Variants in MAGI1 observed in about 807,000 individuals in gnomAD.
The protein encoded by MAGI1 is membrane-associated guanylate kinase, WW and PDZ domain-containing protein 1.
Under a neutral mutation model 139.9 loss-of-function variants are expected in MAGI1, and 58 were observed. The ratio of observed to expected loss-of-function variants is 0.41; its 90% CI spans 0.34 to 0.52. MAGI1 has a LOEUF of 0.52. Ranked by LOEUF, MAGI1 falls within the 20% of genes least tolerant of loss-of-function variation. MAGI1 has a pLI of 0.12. For synonymous variants in MAGI1, 812 were observed against 737.9 expected (o/e 1.10, Z -1.63); for missense variants, 1,874 against 1,901.6 (o/e 0.99, Z 0.27).
chr3:65,444,768 T>C (rs769506364), intron 7 of MAGI1, among the ~76,000 whole-genome samples: 4 of 152,116 alleles, frequency 2.6e-5, no homozygotes, highest in Non-Finnish European at 5.9e-5. Flanking sequence ...CTTAATATTC[T>C]AGAGTTGAAA....
At chr3:65,981,940 A>C (rs186881301) in intron 1 of MAGI1, among the ~76,000 whole-genome samples, 30 of 152,318 alleles carry the variant, frequency 2.0e-4, no homozygotes, top group Admixed American at 1.1e-3. Context: ...ACAGTATTAA[A>C]TGCTCAAGAG....
At chr3:65,988,359 G>A (rs1424219070) in intron 1 of MAGI1, among the ~76,000 whole-genome samples, 1 of 152,188 alleles carries the variant, frequency 6.6e-6, no homozygotes, top group Non-Finnish European at 1.5e-5. Context: ...CCCAGTGAAG[G>A]GGGTTATGCA....
intron 1 of MAGI1, among the ~76,000 whole-genome samples, chr3:65,700,510 C>T (rs1177107325): frequency 2.0e-5 from 3 of 151,980 alleles, no homozygotes. Flanking sequence ...TACCATTTGA[C>T]CAAATTATAA....
chr3:65,602,588 G>A (rs535835684), intron 2 of MAGI1, among the ~76,000 whole-genome samples: 13 of 151,980 alleles, frequency 8.6e-5, no homozygotes, highest in African/African-American at 3.1e-4. Flanking sequence ...TTTCTTTCTC[G>A]GGGTGATAAA....
chr3:65,655,782 C>A (rs772054981), intron 1 of MAGI1, among the ~76,000 whole-genome samples: 4 of 152,210 alleles, frequency 2.6e-5, no homozygotes, highest in Non-Finnish European at 5.9e-5. Flanking sequence ...AACTTGAATG[C>A]AACTGAATTC....
rs77864505 is a variant in MAGI1 at position 65,845,308 on chromosome 3, G to C, written c.313+192688C>G. ...AAGAAAAGAAAAGAAAGCAATCCTT[G>C]GGCACATAGAGTGTCGTGGTTAACA... On this transcript the variant is annotated intron_variant, in intron 1 of 22. Transcript: ENST00000402939. 5.2e-3 allele frequency among the ~76,000 whole-genome samples: 791 copies of C among 152,060 alleles called. 5 individuals are homozygous for C. The highest frequency in any genetic ancestry group is 0.018 in the African/African-American group (747 of 41,468).
chr3:65,664,470 C>T lies in MAGI1; in HGVS notation c.314-42382G>A, dbSNP rs190955482. ...TTCTGATATTGCCACATTTTACAGA[C>T]GAAAAAACTCTGGCCAAGATAAATT... On this transcript the variant is annotated intron_variant, in intron 1 of 22. Coordinates refer to ENST00000402939, the MANE Select transcript of MAGI1 (RefSeq NM_001033057.2). Among the ~76,000 whole-genome samples the T allele has an allele frequency of 1.6e-3, 251 of 152,172 alleles. 3 individuals are homozygous for T. Among genetic ancestry groups the T allele is most frequent in the Admixed American group, 3.9e-3 (60 of 15,280 alleles).
intron 1 of MAGI1, among the ~76,000 whole-genome samples, chr3:65,666,679 G>T (rs987297962): frequency 1.3e-5 from 2 of 152,184 alleles, no homozygotes; most frequent in African/African-American, 4.8e-5. Flanking sequence ...ACAATGCTGA[G>T]AAGTGTTATT....
intron 1 of MAGI1, among the ~76,000 whole-genome samples, chr3:65,638,597 ATTTTTTTTTTTTT>A (rs1173086138): frequency 5.1e-4 from 21 of 41,014 alleles, no homozygotes; most frequent in East Asian, 1.8e-3. Context: ...TGCTCTCCTG[ATTTTTTTTTTTTT>A]TTTTTTTTTT....
intron 17 of MAGI1, among the ~76,000 whole-genome samples, chr3:65,378,212 G>A (rs984918554): frequency 3.3e-5 from 5 of 152,222 alleles, no homozygotes; most frequent in South Asian, 2.1e-4. Context: ...GCAATCATCT[G>A]GGTTTCTATT....
At chr3:65,730,881 C>A (rs899537358) in intron 1 of MAGI1, among the ~76,000 whole-genome samples, 1 of 151,470 alleles carries the variant, frequency 6.6e-6, no homozygotes. Flanking sequence ...CTGTTATTGT[C>A]TAACTCTCCC....
At chr3:65,480,446 G>A (rs1951202961) in intron 3 of MAGI1, among the ~76,000 whole-genome samples, 1 of 151,480 alleles carries the variant, frequency 6.6e-6, no homozygotes, top group Non-Finnish European at 1.5e-5. Context: ...AAGAGGGAAG[G>A]ATTTCTTAAG....
chr3:65,671,319 T>A (rs1322903832), intron 1 of MAGI1, among the ~76,000 whole-genome samples: 1 of 152,162 alleles, frequency 6.6e-6, no homozygotes, highest in African/African-American at 2.4e-5. Context: ...TTGCTCTGCA[T>A]TGCTATGCAC....
intron 1 of MAGI1, among the ~76,000 whole-genome samples, chr3:65,633,711 C>T (rs941131832): frequency 6.6e-6 from 1 of 151,964 alleles, no homozygotes; most frequent in Non-Finnish European, 1.5e-5. Context: ...TCCAGTTACA[C>T]TAAGATAGTG....
intron 1 of MAGI1, among the ~76,000 whole-genome samples, chr3:65,678,173 G>A (rs2087321196): frequency 6.6e-6 from 1 of 152,116 alleles, no homozygotes; most frequent in Admixed American, 6.5e-5. Context: ...GACCGTCAGA[G>A]GATGGGGAGC....
intron 2 of MAGI1, among the ~76,000 whole-genome samples, chr3:65,534,837 A>T (rs2107868359): frequency 6.6e-6 from 1 of 152,280 alleles, no homozygotes; most frequent in African/African-American, 2.4e-5. Context: ...GGGCATCAGT[A>T]GGAGGTTTCA....
Position 66,038,408 on chromosome 3 carries a change from TCC to T in MAGI1, c.-102_-101del, listed in dbSNP as rs1372933145. The T allele has an allele frequency of 6.9e-7, 1 of 1,448,836 alleles. No individual in the cohort carries two copies. The highest frequency in any genetic ancestry group is 1.4e-5 in the African/African-American group (1 of 70,282). 89.7% of individuals were successfully genotyped at this position (1,448,836 alleles called of 1,614,324 possible). ...CGCTTGTTCATGGGAGAAACATCTCTCCCCAAATCACAAAACAGGAGAGAGAA... is the reference window on the plus strand; with the variant it reads ...CGCTTGTTCATGGGAGAAACATCTCTCCAAATCACAAAACAGGAGAGAGAA... On this transcript the variant is annotated 5_prime_UTR_variant, in exon 1 of 23. Coordinates refer to ENST00000402939, the MANE Select transcript of MAGI1 (RefSeq NM_001033057.2).
At chr3:65,918,379 A>ATTCT in intron 1 of MAGI1, among the ~76,000 whole-genome samples, 1 of 128,694 alleles carries the variant, frequency 7.8e-6, no homozygotes, top group East Asian at 2.3e-4. Context: ...GCTCCAAAAC[A>ATTCT]TTTTTTTTTT....
At chr3:65,950,058 A>AAC (rs2063729029) in intron 1 of MAGI1, among the ~76,000 whole-genome samples, 1 of 66,262 alleles carries the variant, frequency 1.5e-5, no homozygotes, top group African/African-American at 5.8e-5. Flanking sequence ...AAAAAAAAAA[A>AAC]CAAAAAAACA....
Sources: gnomAD v4.1 joint callset for allele counts (sites outside exome capture counted in the v4.1 genomes callset) on GRCh38, gnomAD v4.1.1 for gene constraint, MANE v1.5 for transcripts, NCBI Gene and HGNC (gene_info 2026-07-23, HGNC 2026-07-21) for gene names.